Variants in HIPK1 observed in about 807,000 individuals in gnomAD.
HIPK1 encodes homeodomain interacting protein kinase 1.
A neutral mutation model predicts 117.1 loss-of-function variants in HIPK1; 28 were observed. The observed-to-expected ratio is 0.24, with a 90% CI of 0.18 to 0.33. The LOEUF (loss-of-function observed/expected upper bound fraction) is 0.33, where lower values mean the gene tolerates loss of function less well. Among genes scored for constraint, HIPK1 ranks in the 10% least tolerant of loss-of-function variants. The pLI is 1.00. For synonymous variants in HIPK1, 605 were observed against 562.5 expected, an observed-to-expected ratio of 1.08 and a Z score of -1.07; for missense variants, 1,122 against 1,475.1, an observed-to-expected ratio of 0.76 and a Z score of 3.92.
chr1:113,956,760 A>G lies in HIPK1; in HGVS notation c.1541A>G (p.Asn514Ser), dbSNP rs753774111. 244 of 1,613,968 alleles carry G rather than the reference A, an allele frequency of 1.5e-4. No individual in the cohort carries two copies. The highest frequency in any genetic ancestry group is 2.0e-4 in the Non-Finnish European group (231 of 1,179,944). Residue 514 changes from asparagine to serine, a missense_variant, in exon 6 of 16, where the codon AAC becomes AGC. Asn to Ser is a conservative substitution (Grantham distance 46). Transcript: ENST00000426820. ...DKRITPLKTL[N>S]HQFVTMTHLL... The stretch of plus-strand genomic sequence containing the variant: ...AGAATTACCCCTCTAAAAACTCTTA[A>G]CCATCAGTTTGTGACAATGACTCAC...
chr1:113,956,572 A>G (rs767240739), intron 5 of HIPK1, 55 bp from the exon 6 acceptor site: 18 of 1,269,652 alleles, frequency 1.4e-5, no homozygotes, highest in Non-Finnish European at 1.9e-5. Context: ...GCAGCTATGT[A>G]GTGTCAGTGC....
At chr1:113,970,315 A>T in intron 14 of HIPK1, 118 bp downstream of exon 14, 1 of 1,131,520 alleles carries the variant, frequency 8.8e-7, no homozygotes, top group South Asian at 1.4e-5. Context: ...ATTCTTAAAG[A>T]GACCTTAATT....
intron 11 of HIPK1, 131 bp from the exon 12 acceptor site, chr1:113,967,635 C>G: frequency 2.0e-6 from 1 of 491,730 alleles, no homozygotes; most frequent in Non-Finnish European, 3.5e-6. Flanking sequence ...AATCCCTTAT[C>G]AGATGGTAGG....
chr1:113,959,951 T>C (rs1448121503), intron 8 of HIPK1, among the ~76,000 whole-genome samples: 1 of 152,192 alleles, frequency 6.6e-6, no homozygotes, highest in Non-Finnish European at 1.5e-5. Context: ...TTGAGCATGG[T>C]TCCTTCATAT....
At chr1:113,939,311 G>T (rs1207858768) in intron 1 of HIPK1, among the ~76,000 whole-genome samples, 1 of 147,652 alleles carries the variant, frequency 6.8e-6, no homozygotes, top group African/African-American at 2.5e-5. Context: ...ACCATGCCTG[G>T]CTAACTTTTT....
chr1:113,929,413 C>G lies in HIPK1; in HGVS notation c.-122C>G, dbSNP rs1041602348. ...GCGGAGGGGGCGGGAAGTCCAGGCC[C>G]CGCACTCGATCCACGCTGGCTCCCT... On this transcript the variant is annotated 5_prime_UTR_variant, in exon 1 of 16. Transcript: ENST00000426820. 1.6e-6 allele frequency: 2 copies of G among 1,289,332 alleles called. No individual in the cohort carries two copies. Among genetic ancestry groups the G allele is most frequent in the African/African-American group, 1.5e-5 (1 of 65,948 alleles). The allele number at this position is 1,289,332 out of a possible 1,614,324, so 79.9% of individuals were successfully genotyped here.
At chr1:113,972,940 C>G in intron 15 of HIPK1, 84 bp from the exon 16 acceptor site, 2 of 1,442,548 alleles carry the variant, frequency 1.4e-6, no homozygotes, top group Non-Finnish European at 1.9e-6. Flanking sequence ...CAGTACAAGT[C>G]AGAACCTGAG....
At chr1:113,967,987 G>A in intron 12 of HIPK1, 39 bp downstream of exon 12, 2 of 1,553,776 alleles carry the variant, frequency 1.3e-6, no homozygotes, top group African/African-American at 1.4e-5. Flanking sequence ...AACTGTGCCA[G>A]TTTGAGAGAT....
At position 113,930,259 on chromosome 1, in the gene HIPK1, G is replaced by GT. The variant is rs1206923172; in HGVS notation, c.-3+733dup. On this transcript the variant is annotated intron_variant, in intron 1 of 15. Transcript: ENST00000426820. Reference sequence around the variant, plus strand: ...CGCCTTGCGTCTCCTCACTCGGCCGGTTTTTTCCCCGGCTGTCGTGGCAGG... The same window carrying GT: ...CGCCTTGCGTCTCCTCACTCGGCCGGTTTTTTTCCCCGGCTGTCGTGGCAGG... Among the ~76,000 whole-genome samples, 5 of 152,266 alleles carry GT rather than the reference G, an allele frequency of 3.3e-5. No individual in the cohort carries two copies. In the East Asian group the frequency reaches 9.6e-4, roughly 29 times the overall value.
intron 6 of HIPK1, 51 bp from the exon 7 acceptor site, chr1:113,957,073 G>A (rs1392290793): frequency 7.0e-7 from 1 of 1,429,294 alleles, no homozygotes; most frequent in Non-Finnish European, 9.8e-7. Context: ...GTTATTTGCT[G>A]TCTGTTTAAA....
intron 2 of HIPK1, among the ~76,000 whole-genome samples, chr1:113,948,015 A>G (rs1671101964): frequency 6.6e-6 from 1 of 152,190 alleles, no homozygotes; most frequent in Admixed American, 6.5e-5. Flanking sequence ...ACGTGTCTGT[A>G]GAGTTTATAT....
In HIPK1 at chr1:113,970,777, T is replaced by C. The variant is rs77783076; in HGVS notation, c.3013+580T>C. ...TAACAAATCCTAGATTTTTGTAGCA[T>C]AACATAGTAGAATTTTACTTCTCTC... On this transcript the variant is annotated intron_variant, in intron 14 of 15. Transcript: ENST00000426820. Among the ~76,000 whole-genome samples, 18 of 152,346 alleles carry C rather than the reference T, an allele frequency of 1.2e-4. 1 individual carries two copies. Among genetic ancestry groups the C allele is most frequent in the Non-Finnish European group, 2.6e-4 (18 of 68,030 alleles).
At chr1:113,970,370 A>G (rs1050797146) in intron 14 of HIPK1, among the ~76,000 whole-genome samples, 173 bp downstream of exon 14, 1 of 152,216 alleles carries the variant, frequency 6.6e-6, no homozygotes, top group Non-Finnish European at 1.5e-5. Context: ...TTTGGCCATC[A>G]CTTTATCTTC....
intron 11 of HIPK1, among the ~76,000 whole-genome samples, chr1:113,966,895 C>T (rs1358491614): frequency 6.6e-6 from 1 of 150,410 alleles, no homozygotes; most frequent in Non-Finnish European, 1.5e-5. Flanking sequence ...CCCTCCACTA[C>T]TCTTACCAGC....
chr1:113,967,746 C>T lies in HIPK1; in HGVS notation c.2382-20C>T. The T allele has an allele frequency of 1.4e-6, 2 of 1,465,498 alleles. No individual in the cohort carries two copies. Among genetic ancestry groups the T allele is most frequent in the Non-Finnish European group, 1.8e-6 (2 of 1,107,024 alleles). The allele number at this position is 1,465,498 out of a possible 1,614,324, so 90.8% of individuals were successfully genotyped here. On this transcript the variant is annotated intron_variant, in intron 11 of 15. Transcript: ENST00000426820. Reference sequence around the variant, plus strand: ...CAGTGGTTTTGGAATTCACTCTTCTCTTTCTTTCTGTTGGTACAGGAATGC... The same window carrying T: ...CAGTGGTTTTGGAATTCACTCTTCTTTTTCTTTCTGTTGGTACAGGAATGC...
chr1:113,963,276 A>G, intron 9 of HIPK1, 111 bp from the exon 10 acceptor site: 1 of 1,264,024 alleles, frequency 7.9e-7, no homozygotes, highest in Non-Finnish European at 1.1e-6. Context: ...TTTAGATGCT[A>G]TCAAATTACT....
intron 1 of HIPK1, among the ~76,000 whole-genome samples, chr1:113,931,073 G>C (rs1023390812): frequency 5.3e-5 from 8 of 151,878 alleles, no homozygotes; most frequent in Admixed American, 5.2e-4. Flanking sequence ...TCCCGCTCTT[G>C]ATGAAATAGG....
At chr1:113,942,216 A>G (rs2101183039) in intron 2 of HIPK1, among the ~76,000 whole-genome samples, 1 of 151,696 alleles carries the variant, frequency 6.6e-6, no homozygotes, top group Non-Finnish European at 1.5e-5. Flanking sequence ...ACCTGCTACC[A>G]CGCCCGGCTA....
Position 113,967,921 on chromosome 1 carries a change from A to G in HIPK1, c.2537A>G (p.Asn846Ser), listed in dbSNP as rs1001091696. The G allele has an allele frequency of 1.9e-6, 3 of 1,608,476 alleles. No homozygotes were observed. The African/African-American group carries it at 4.0e-5, about 22-fold the overall frequency. ...QQSSSLPSKK[N>S]KQSAPVSSKS... is the part of the protein sequence containing the mutation. ...TCCAGTTCCCTCCCTTCGAAGAAGA[A>G]TAAGCAGTCAGCTCCAGTCTCTTCC... Residue 846 changes from asparagine (N) to serine (S), a missense_variant, in exon 12 of 16, where the codon AAT becomes AGT. Around this residue, in one of 6 missense-constraint regions of HIPK1, gnomAD observed 731 missense variants for 860.4 expected, o/e 0.85. Coordinates refer to ENST00000426820, the MANE Select transcript of HIPK1 (RefSeq NM_198268.3).
Sources: allele counts gnomAD v4.1 joint callset (sites outside exome capture counted in the v4.1 genomes callset), GRCh38; gene constraint gnomAD v4.1.1; regional missense constraint gnomAD v4.1.1; transcripts MANE v1.5; gene names NCBI Gene and HGNC (gene_info 2026-07-23, HGNC 2026-07-21).